The following ARHGEF6 variants were observed in gnomAD, a reference collection of about 807,000 sequenced individuals.
ARHGEF6 encodes the protein rho guanine nucleotide exchange factor 6.
ARHGEF6 carries 9 observed loss-of-function variants against 70.3 expected under a neutral mutation model. The observed-to-expected ratio is 0.13, with a 90% confidence interval of 0.08 to 0.22. The LOEUF is 0.22. Among genes scored for constraint, ARHGEF6 ranks in the 10% least tolerant of loss-of-function variants. The pLI is 1.00. For synonymous variants in ARHGEF6, 201 were observed against 207.8 expected (o/e 0.97, Z 0.28); for missense variants, 470 against 563.0 (o/e 0.83, Z 1.67).
At chrX:136,725,452 G>A (rs1437589419) in intron 6 of ARHGEF6, among the ~76,000 whole-genome samples, 2 of 109,293 alleles carry the variant, frequency 1.8e-5, no homozygotes, top group Non-Finnish European at 3.8e-5. Flanking sequence ...TCATCAGGGT[G>A]GATGTTTGGG....
Position 136,729,852 on chromosome X carries a change from AAAAG to A in ARHGEF6, c.732+2246_732+2249del, listed in dbSNP as rs1004854158. ...GTCAAAAAAAAAAAAATCTTTATGA[AAAAG>A]AAAGAATACATAATTTCCTGTTTTA... On this transcript the variant is annotated intron_variant, in intron 6 of 21. Transcript: ENST00000250617. Among the ~76,000 whole-genome samples the A allele has an allele frequency of 1.3e-4, 14 of 110,687 alleles. No homozygotes were observed. The Admixed American group carries it at 1.3e-3, about 11-fold the overall frequency.
chrX:136,741,187 G>A (rs1222146040), intron 5 of ARHGEF6, among the ~76,000 whole-genome samples: 2 of 111,453 alleles, frequency 1.8e-5, no homozygotes, highest in African/African-American at 6.5e-5. Flanking sequence ...TCTGGTTGTC[G>A]GGGGGAGAGT....
chrX:136,760,146 A>G (rs2077251154), intron 2 of ARHGEF6, among the ~76,000 whole-genome samples: 1 of 112,484 alleles, frequency 8.9e-6, no homozygotes, highest in Non-Finnish European at 1.9e-5. Flanking sequence ...CTTCTGGACT[A>G]AGTGGACATA....
chrX:136,708,791 A>C (rs1310171658), intron 7 of ARHGEF6, 21 bp from the exon 8 acceptor site: 1 of 1,104,406 alleles, frequency 9.1e-7, no homozygotes, highest in Non-Finnish European at 1.2e-6. Flanking sequence ...AATACAGTAC[A>C]TGTAGTTATC....
At chrX:136,757,470 A>G (rs1410014603) in intron 2 of ARHGEF6, among the ~76,000 whole-genome samples, 1 of 112,062 alleles carries the variant, frequency 8.9e-6, no homozygotes, top group Admixed American at 9.4e-5. Flanking sequence ...TAGCAGGCCC[A>G]TCGTTTCTCA....
At chrX:136,669,411 G>T in intron 21 of ARHGEF6, 71 bp downstream of exon 21, 2 of 1,012,052 alleles carry the variant, frequency 2.0e-6, no homozygotes, top group Non-Finnish European at 2.8e-6. Flanking sequence ...TTCCCTGAAA[G>T]CATGAGCAGC....
intron 12 of ARHGEF6, 49 bp downstream of exon 12, chrX:136,685,628 A>T: frequency 8.5e-7 from 1 of 1,174,747 alleles, no homozygotes; most frequent in Non-Finnish European, 1.1e-6. Context: ...AAAAAGGAAG[A>T]AAAATACGAA....
intron 17 of ARHGEF6, 142 bp downstream of exon 17, chrX:136,677,794 A>G: frequency 2.2e-6 from 1 of 456,936 alleles, no homozygotes; most frequent in Non-Finnish European, 3.8e-6. Flanking sequence ...CAAAGTACTT[A>G]CATGTCAAAA....
intron 3 of ARHGEF6, among the ~76,000 whole-genome samples, chrX:136,746,026 A>G (rs1364803468): frequency 8.9e-6 from 1 of 112,361 alleles, no homozygotes; most frequent in Admixed American, 9.4e-5. Flanking sequence ...GACAAATTTC[A>G]ATAAGGGTTC....
chrX:136,777,607 G>A (rs1445214005), intron 2 of ARHGEF6, among the ~76,000 whole-genome samples: 1 of 111,112 alleles, frequency 9.0e-6, no homozygotes, highest in Non-Finnish European at 1.9e-5. Flanking sequence ...TATCTACCCA[G>A]AGGAAAAGAA....
At chrX:136,737,955 T>C (rs1205404536) in intron 5 of ARHGEF6, among the ~76,000 whole-genome samples, 1 of 107,820 alleles carries the variant, frequency 9.3e-6, no homozygotes, top group African/African-American at 3.4e-5. Context: ...AAGCTCACTC[T>C]GTTCAGTCCT....
rs142176659 is a variant in ARHGEF6, at chrX:136,732,120, G to C, written c.714C>G (p.Thr238=). 77 of 1,205,453 alleles carry C rather than the reference G, an allele frequency of 6.4e-5. No homozygotes were observed. Among genetic ancestry groups the C allele is most frequent in the Non-Finnish European group, 8.1e-5 (72 of 891,951 alleles). The part of the protein sequence containing the change: ...AVKGFETAPL[T]KNYYTVVLQN... ...CACTTACCACAGTATAATAATTCTTGGTAAGTGGAGCAGTTTCAAATCCTT... is the reference window on the plus strand; with the variant it reads ...CACTTACCACAGTATAATAATTCTTCGTAAGTGGAGCAGTTTCAAATCCTT... Residue 238 remains threonine (T), a synonymous_variant, in exon 6 of 22, where the codon ACC becomes ACG. Transcript: ENST00000250617.
At chrX:136,778,891 A>G (rs1411804216) in intron 2 of ARHGEF6, among the ~76,000 whole-genome samples, 1 of 111,743 alleles carries the variant, frequency 8.9e-6, no homozygotes, top group African/African-American at 3.3e-5. Context: ...TGGAAGTATC[A>G]CCTCCCTTTC....
chrX:136,763,529 A>G (rs2077283500), intron 2 of ARHGEF6, among the ~76,000 whole-genome samples: 1 of 112,521 alleles, frequency 8.9e-6, no homozygotes, highest in African/African-American at 3.2e-5. Context: ...CGCTAGGGTT[A>G]TAAAGATGAT....
chrX:136,735,708 T>G (rs1441282167), intron 5 of ARHGEF6, among the ~76,000 whole-genome samples: 1 of 111,845 alleles, frequency 8.9e-6, no homozygotes, highest in African/African-American at 3.3e-5. Context: ...TCCAATTAAC[T>G]TTTGATTCTT....
chrX:136,696,025 T>G (rs1312882011), intron 9 of ARHGEF6, among the ~76,000 whole-genome samples: 2 of 111,801 alleles, frequency 1.8e-5, no homozygotes, highest in East Asian at 5.6e-4. Flanking sequence ...GCTGGGTGCT[T>G]AGTATACATT....
Position 136,673,235 on chromosome X carries a change from G to A in ARHGEF6, c.2036-1116C>T, listed in dbSNP as rs530840239. 3.1e-4 allele frequency among the ~76,000 whole-genome samples: 35 copies of A among 111,933 alleles called. 1 individual carries two copies. In the South Asian group the frequency reaches 6.3e-3, roughly 20 times the overall value. Reference sequence around the variant, plus strand: ...ATTTTACATCAGGGACTTGAGCATCGTCAGATTTTGTTATCTCTGGGGGTC... The same window carrying A: ...ATTTTACATCAGGGACTTGAGCATCATCAGATTTTGTTATCTCTGGGGGTC... On this transcript the variant is annotated intron_variant, in intron 19 of 21. Transcript: ENST00000250617.
intron 9 of ARHGEF6, among the ~76,000 whole-genome samples, chrX:136,691,624 T>G (rs1277446226): frequency 1.8e-5 from 2 of 112,259 alleles, no homozygotes; most frequent in Non-Finnish European, 1.9e-5. Flanking sequence ...CCTCTTTGGT[T>G]GGCCATGCAT....
chrX:136,721,482 G>T (rs2076796677), intron 6 of ARHGEF6, among the ~76,000 whole-genome samples: 2 of 111,357 alleles, frequency 1.8e-5, no homozygotes, highest in Admixed American at 9.5e-5. Context: ...AGGATTGTTT[G>T]AGTCCAGGGG....
Sources: gnomAD v4.1 joint callset for allele counts (sites outside exome capture counted in the v4.1 genomes callset) on GRCh38, gnomAD v4.1.1 for gene constraint, MANE v1.5 for transcripts, NCBI Gene and HGNC (gene_info 2026-07-23, HGNC 2026-07-21) for gene names.